PRKG1: variants seen among roughly 807,000 people sequenced by gnomAD.
The protein encoded by PRKG1 is cGMP-dependent protein kinase 1.
Under a neutral mutation model 88.1 loss-of-function variants are expected in PRKG1, and 35 were observed. That is an observed-to-expected ratio of 0.40 (90% confidence interval 0.30 to 0.53). The LOEUF (loss-of-function observed/expected upper bound fraction) is 0.53, where lower values mean the gene tolerates loss of function less well. PRKG1 is among the 20% of genes least tolerant of loss of function. The pLI is 0.59. For missense variants in PRKG1, 540 were observed against 839.8 expected, an observed-to-expected ratio of 0.64 and a Z score of 4.41; for synonymous variants, 303 against 292.5, an observed-to-expected ratio of 1.04 and a Z score of -0.37.
chr10:51,577,131 A>C (rs1837909158), intron 3 of PRKG1, among the ~76,000 whole-genome samples: 3 of 152,004 alleles, frequency 2.0e-5, no homozygotes, highest in Admixed American at 2.0e-4. Flanking sequence ...TGTGAAAGTC[A>C]CTTTATCTAA....
intron 5 of PRKG1, chr10:51,910,146 G>A (rs1365083828): frequency 6.6e-6 from 1 of 152,116 alleles, no homozygotes; most frequent in African/African-American, 2.4e-5. Context: ...TCTTATTCAA[G>A]ATTATTGCAA....
intron 2 of PRKG1, among the ~76,000 whole-genome samples, chr10:51,254,652 G>A (rs918876414): frequency 1.3e-5 from 2 of 152,126 alleles, no homozygotes; most frequent in African/African-American, 4.8e-5. Flanking sequence ...TAAAGTACCT[G>A]ACTAGCCTGG....
chr10:51,889,509 A>G (rs1841663036), intron 4 of PRKG1, among the ~76,000 whole-genome samples: 1 of 152,102 alleles, frequency 6.6e-6, no homozygotes, highest in South Asian at 2.1e-4. Flanking sequence ...ATAGTGCCAC[A>G]ATAGACATAC....
intron 4 of PRKG1, among the ~76,000 whole-genome samples, chr10:51,882,309 G>A (rs913435774): frequency 6.6e-6 from 1 of 152,120 alleles, no homozygotes; most frequent in Non-Finnish European, 1.5e-5. Context: ...ACCCTTGCCA[G>A]TTGCTCATTT....
chr10:51,061,369 G>A (rs1016617384), intron 1 of PRKG1, among the ~76,000 whole-genome samples: 2 of 152,076 alleles, frequency 1.3e-5, no homozygotes, highest in Admixed American at 6.6e-5. Flanking sequence ...CCTCCTACCA[G>A]GTCCCTCTCA....
chr10:51,647,150 T>TA (rs10719185), intron 3 of PRKG1, among the ~76,000 whole-genome samples: 22,886 of 132,000 alleles, frequency 0.17, 1,929 homozygotes, highest in Non-Finnish European at 0.21. Context: ...GAGATCAAGA[T>TA]AAAAAAAAAA....
At chr10:52,063,041 A>G (rs964262776) in intron 7 of PRKG1, among the ~76,000 whole-genome samples, 7 of 152,138 alleles carry the variant, frequency 4.6e-5, no homozygotes, top group African/African-American at 1.4e-4. Context: ...TGGGGTGTCA[A>G]TTTCCTGGCT....
intron 12 of PRKG1, among the ~76,000 whole-genome samples, chr10:52,275,445 C>T (rs925574359): frequency 3.3e-5 from 5 of 152,054 alleles, no homozygotes; most frequent in Non-Finnish European, 5.9e-5. Flanking sequence ...AGTGTCCTTT[C>T]CCCATTTTAT....
At chr10:51,972,422 G>A (rs1022151719) in intron 5 of PRKG1, among the ~76,000 whole-genome samples, 1 of 152,150 alleles carries the variant, frequency 6.6e-6, no homozygotes, top group Non-Finnish European at 1.5e-5. Flanking sequence ...TATACTGAAG[G>A]TGAGATTGCT....
chr10:51,807,513 C>T (rs549510276), intron 4 of PRKG1, among the ~76,000 whole-genome samples: 1 of 152,182 alleles, frequency 6.6e-6, no homozygotes, highest in South Asian at 2.1e-4. Context: ...GAATGAAGTC[C>T]TGACAATACA....
At chr10:51,545,939 A>G (rs975929000) in intron 3 of PRKG1, among the ~76,000 whole-genome samples, 3 of 151,108 alleles carry the variant, frequency 2.0e-5, no homozygotes, top group African/African-American at 7.3e-5. Flanking sequence ...TCTCTGAACT[A>G]GCTTTAGCTG....
At chr10:51,521,553 A>C (rs17541223) in intron 3 of PRKG1, among the ~76,000 whole-genome samples, 22,848 of 152,200 alleles carry the variant, frequency 0.15, 2,236 homozygotes, top group Non-Finnish European at 0.22. Context: ...CTACTGGCCC[A>C]AAATACACTT....
intron 4 of PRKG1, among the ~76,000 whole-genome samples, chr10:51,821,247 C>G (rs892987335): frequency 2.6e-5 from 4 of 152,042 alleles, no homozygotes; most frequent in Non-Finnish European, 5.9e-5. Flanking sequence ...TTCATTTTTA[C>G]TGACAAAGGG....
intron 2 of PRKG1, among the ~76,000 whole-genome samples, chr10:51,269,846 T>TC (rs1230126506): frequency 1.3e-5 from 2 of 152,078 alleles, no homozygotes; most frequent in East Asian, 3.8e-4. Flanking sequence ...AACCAACTCT[T>TC]CCCCAAAAAC....
At chr10:50,996,713 C>T (rs939681343) in intron 1 of PRKG1, among the ~76,000 whole-genome samples, 1 of 152,172 alleles carries the variant, frequency 6.6e-6, no homozygotes, top group Middle Eastern at 3.2e-3. Context: ...CCTTTGAATA[C>T]CCTTTGCTAT....
At chr10:51,020,238 G>A (rs969788289) in intron 1 of PRKG1, among the ~76,000 whole-genome samples, 1 of 152,132 alleles carries the variant, frequency 6.6e-6, no homozygotes, top group Non-Finnish European at 1.5e-5. Context: ...CTGAGTTTAA[G>A]CAGTCCACTT....
At chr10:52,237,198 C>T (rs1443332681) in intron 9 of PRKG1, among the ~76,000 whole-genome samples, 2 of 139,266 alleles carry the variant, frequency 1.4e-5, no homozygotes, top group African/African-American at 5.4e-5. Flanking sequence ...TATGACAAAT[C>T]CACAGCCAAT....
chr10:51,504,375 C>A (rs2132047716), intron 3 of PRKG1, among the ~76,000 whole-genome samples: 1 of 152,160 alleles, frequency 6.6e-6, no homozygotes, highest in Non-Finnish European at 1.5e-5. Flanking sequence ...TTACTGTAGC[C>A]TTGTAGTATA....
intron 10 of PRKG1, among the ~76,000 whole-genome samples, chr10:52,264,705 C>T (rs751230809): frequency 6.6e-6 from 1 of 152,042 alleles, no homozygotes; most frequent in African/African-American, 2.4e-5. Context: ...GGTGACTCTG[C>T]CTGGATTCCC....
Sources: allele counts gnomAD v4.1 joint callset (sites outside exome capture counted in the v4.1 genomes callset), GRCh38; gene constraint gnomAD v4.1.1; transcripts MANE v1.5; gene names NCBI Gene and HGNC (gene_info 2026-07-23, HGNC 2026-07-21).